Variants in CRACD observed in about 807,000 individuals in gnomAD.
CRACD encodes capping protein inhibiting regulator of actin dynamics, also known as capping protein-inhibiting regulator of actin dynamics.
Under a neutral mutation model 106.8 loss-of-function variants are expected in CRACD, and 56 were observed. The observed-to-expected ratio is 0.52, with a 90% confidence interval of 0.42 to 0.66. The LOEUF is 0.66. Ranked by LOEUF, CRACD falls within the 30% of genes least tolerant of loss-of-function variation. The probability of loss-of-function intolerance (pLI) is 0.00; values close to 1 mark genes in which losing one functional copy is unlikely to be tolerated. For synonymous variants in CRACD, 754 were observed against 670.8 expected, an observed-to-expected ratio of 1.12 and a Z score of -1.92; for missense variants, 1,730 against 1,623.2, an observed-to-expected ratio of 1.07 and a Z score of -1.13.
chr4:56,063,467 T>C (rs1732352096), intron 1 of CRACD, among the ~76,000 whole-genome samples: 2 of 152,222 alleles, frequency 1.3e-5, no homozygotes, highest in Admixed American at 1.3e-4. Flanking sequence ...CAAGCAGGCA[T>C]CACCACTGTC....
At chr4:56,231,785 A>G (rs11733772) in intron 2 of CRACD, among the ~76,000 whole-genome samples, 29,903 of 152,154 alleles carry the variant, frequency 0.2, 3,285 homozygotes, top group Non-Finnish European at 0.24. Flanking sequence ...CTTGATCTGG[A>G]TGCTGGTTTA....
rs771524745 is a variant in CRACD at position 56,327,816 on chromosome 4, C to T, written c.*12C>T. On this transcript the variant is annotated 3_prime_UTR_variant, in exon 11 of 11. Transcript: ENST00000682029. ...AGATTATTAAGTAAAGAGTGACTCT[C>T]ACCCATCCCTACTGCCAGTTATTGG... The T allele has an allele frequency of 1.0e-5, 16 of 1,607,302 alleles. No homozygotes were observed. The highest frequency in any genetic ancestry group is 1.3e-5 in the Non-Finnish European group (15 of 1,175,290).
chr4:56,294,747 C>G (rs547157496), intron 3 of CRACD, among the ~76,000 whole-genome samples: 101 of 151,908 alleles, frequency 6.6e-4, no homozygotes, highest in African/African-American at 2.4e-3. Flanking sequence ...AACCCCATCT[C>G]TACCAAAAAT....
At chr4:56,234,126 C>A (rs1739813054) in intron 2 of CRACD, among the ~76,000 whole-genome samples, 1 of 151,994 alleles carries the variant, frequency 6.6e-6, no homozygotes, top group Admixed American at 6.6e-5. Context: ...AAAATTCACC[C>A]TTTTAAAGTA....
chr4:56,106,850 T>C (rs1168706419), intron 1 of CRACD, among the ~76,000 whole-genome samples: 4 of 152,204 alleles, frequency 2.6e-5, no homozygotes, highest in African/African-American at 9.7e-5. Flanking sequence ...AAAGCCAAGC[T>C]CTGTTTTCAT....
chr4:56,126,125 G>A (rs780230564), intron 1 of CRACD, among the ~76,000 whole-genome samples: 19 of 152,040 alleles, frequency 1.2e-4, no homozygotes, highest in Non-Finnish European at 2.6e-4. Flanking sequence ...AACCCTTCAA[G>A]CCAATTCCTG....
At chr4:56,087,932 C>G (rs1733285948) in intron 1 of CRACD, among the ~76,000 whole-genome samples, 1 of 152,104 alleles carries the variant, frequency 6.6e-6, no homozygotes, top group Admixed American at 6.6e-5. Flanking sequence ...CTCATTACCC[C>G]TCTCCACTAT....
intron 1 of CRACD, among the ~76,000 whole-genome samples, chr4:56,089,258 G>A (rs1733336274): frequency 6.6e-6 from 1 of 152,148 alleles, no homozygotes; most frequent in Non-Finnish European, 1.5e-5. Context: ...AGCTTGTGTT[G>A]CTGCAGTCCC....
At chr4:56,111,816 C>A (rs1267051147) in intron 1 of CRACD, among the ~76,000 whole-genome samples, 1 of 152,122 alleles carries the variant, frequency 6.6e-6, no homozygotes, top group Non-Finnish European at 1.5e-5. Flanking sequence ...ACGCACCCAG[C>A]CTGAAAAGTT....
chr4:56,313,973 A>T, intron 7 of CRACD, 67 bp from the exon 8 acceptor site: 1 of 1,542,890 alleles, frequency 6.5e-7, no homozygotes, highest in Non-Finnish European at 8.7e-7. Context: ...GGCACTGTGA[A>T]TAGGAAAAGG....
At chr4:56,050,589 C>T (rs1399220438) in intron 1 of CRACD, among the ~76,000 whole-genome samples, 5 of 152,022 alleles carry the variant, frequency 3.3e-5, no homozygotes. Flanking sequence ...AGAGAAGACT[C>T]CTTCACTACT....
At chr4:56,182,987 C>T (rs995408290) in intron 2 of CRACD, among the ~76,000 whole-genome samples, 3 of 150,900 alleles carry the variant, frequency 2.0e-5, no homozygotes, top group Non-Finnish European at 4.4e-5. Context: ...AATCTCAGTA[C>T]TTTGGGAGGC....
chr4:56,059,702 G>C (rs1170433230), intron 1 of CRACD, among the ~76,000 whole-genome samples: 1 of 151,818 alleles, frequency 6.6e-6, no homozygotes, highest in Non-Finnish European at 1.5e-5. Flanking sequence ...TTTCTTTTTT[G>C]AGACAGGTTC....
At chr4:56,087,363 C>T (rs1269737557) in intron 1 of CRACD, among the ~76,000 whole-genome samples, 1 of 152,194 alleles carries the variant, frequency 6.6e-6, no homozygotes, top group East Asian at 1.9e-4. Flanking sequence ...GATGCATTTT[C>T]AGTCCTTTCC....
At chr4:56,135,895 G>T (rs1734984110) in intron 1 of CRACD, among the ~76,000 whole-genome samples, 5 of 152,228 alleles carry the variant, frequency 3.3e-5, no homozygotes, top group Admixed American at 3.3e-4. Flanking sequence ...TCTCCAAAGT[G>T]TGTGCATGCT....
rs73158800 is a variant in CRACD, at chr4:56,203,379, G to A, written c.-189+23949G>A. On this transcript the variant is annotated intron_variant, in intron 2 of 10. Transcript: ENST00000682029. ...TATACTCATACTTGTAAGAGGACCA[G>A]TTGGATTACAGAGTTAACCACCAGA... Among the ~76,000 whole-genome samples the A allele has an allele frequency of 8.5e-3, 1,291 of 152,296 alleles. 15 individuals are homozygous for A. Among genetic ancestry groups the A allele is most frequent in the African/African-American group, 0.028 (1,182 of 41,566 alleles).
intron 2 of CRACD, among the ~76,000 whole-genome samples, chr4:56,181,357 T>A (rs1295964253): frequency 6.6e-6 from 1 of 152,166 alleles, no homozygotes; most frequent in Non-Finnish European, 1.5e-5. Context: ...CAGGAGCCAG[T>A]CAGTGCTGGA....
At chr4:56,051,138 T>C (rs1731859544) in intron 1 of CRACD, among the ~76,000 whole-genome samples, 1 of 152,234 alleles carries the variant, frequency 6.6e-6, no homozygotes. Flanking sequence ...TTTTAGTCTT[T>C]TTTTGTGGTC....
chr4:56,282,115 G>C (rs1375253452), intron 3 of CRACD, among the ~76,000 whole-genome samples: 1 of 152,208 alleles, frequency 6.6e-6, no homozygotes, highest in Non-Finnish European at 1.5e-5. Flanking sequence ...TCATTTGAAT[G>C]AGACTCACGG....
Sources: allele counts gnomAD v4.1 joint callset (sites outside exome capture counted in the v4.1 genomes callset), GRCh38; gene constraint gnomAD v4.1.1; transcripts MANE v1.5; gene names NCBI Gene and HGNC (gene_info 2026-07-23, HGNC 2026-07-21).